AMOTL1: variants seen among roughly 807,000 people sequenced by gnomAD.
AMOTL1 encodes angiomotin like 1.
In AMOTL1, 45 loss-of-function variants were observed where a neutral mutation model predicts 102.9. The ratio of observed to expected loss-of-function variants is 0.44; its 90% CI spans 0.34 to 0.56. The LOEUF is 0.56. Among genes scored for constraint, AMOTL1 ranks in the 20% least tolerant of loss-of-function variants. The pLI, the probability that AMOTL1 is intolerant of heterozygous loss-of-function variation, is 0.01. For synonymous variants in AMOTL1, 481 were observed against 484.7 expected (o/e 0.99, Z 0.10); for missense variants, 1,114 against 1,225.6 (o/e 0.91, Z 1.36).
intron 3 of AMOTL1, among the ~76,000 whole-genome samples, chr11:94,816,622 T>A (rs75559670): frequency 1.1e-4 from 17 of 152,172 alleles, no homozygotes; most frequent in African/African-American, 2.4e-4. Flanking sequence ...ATTTTTTTTT[T>A]AATTAAAGTT....
At chr11:94,805,742 T>A (rs977952927) in intron 3 of AMOTL1, among the ~76,000 whole-genome samples, 1 of 152,200 alleles carries the variant, frequency 6.6e-6, no homozygotes, top group Non-Finnish European at 1.5e-5. Context: ...ATGAGTACGT[T>A]AATTTGATTT....
At chr11:94,832,621 T>A (rs1952096658) in intron 6 of AMOTL1, among the ~76,000 whole-genome samples, 1 of 152,220 alleles carries the variant, frequency 6.6e-6, no homozygotes, top group Non-Finnish European at 1.5e-5. Flanking sequence ...CAGATTCACA[T>A]AAAAGGCTAT....
chr11:94,850,796 T>C (rs1288646631), intron 7 of AMOTL1, among the ~76,000 whole-genome samples: 1 of 152,180 alleles, frequency 6.6e-6, no homozygotes, highest in African/African-American at 2.4e-5. Flanking sequence ...TACACAGGCT[T>C]ACCTGAGCAG....
In AMOTL1 at chr11:94,804,633, AG is replaced by A. The variant is rs1951537654; in HGVS notation, c.1121+4324del. ...CTATTTGAATTTGTTATAACTGGCT[AG>A]GTTAATTTTGTGGGGAAGGGAGTAT... is the stretch of plus-strand genomic sequence containing the variant. On this transcript the variant is annotated intron_variant, in intron 3 of 12. Transcript: ENST00000433060. 2.0e-5 allele frequency among the ~76,000 whole-genome samples: 3 copies of A among 152,298 alleles called. 1 individual carries two copies. The South Asian group carries it at 6.2e-4, about 32-fold the overall frequency.
chr11:94,758,664 A>G (rs1950757100), intron 3 of AMOTL1, among the ~76,000 whole-genome samples: 2 of 152,238 alleles, frequency 1.3e-5, no homozygotes, highest in Non-Finnish European at 2.9e-5. Flanking sequence ...TACCCCACCT[A>G]AAGTAGTACA....
At chr11:94,831,391 G>T in intron 5 of AMOTL1, 61 bp from the exon 6 acceptor site, 1 of 1,363,332 alleles carries the variant, frequency 7.3e-7, no homozygotes, top group South Asian at 1.3e-5. Flanking sequence ...TTCATTTCTT[G>T]GTTAGATGAT....
intron 6 of AMOTL1, among the ~76,000 whole-genome samples, chr11:94,831,879 C>CAA (rs1952078733): frequency 6.6e-6 from 1 of 152,200 alleles, no homozygotes; most frequent in Non-Finnish European, 1.5e-5. Flanking sequence ...AAATGGAAGG[C>CAA]AGCCTAGTGG....
At chr11:94,870,074 A>G (rs1952965595) in intron 12 of AMOTL1, among the ~76,000 whole-genome samples, 1 of 152,194 alleles carries the variant, frequency 6.6e-6, no homozygotes, top group African/African-American at 2.4e-5. Context: ...ACTCCTCTTA[A>G]GCAAAGGAGT....
intron 1 of AMOTL1, among the ~76,000 whole-genome samples, chr11:94,707,340 G>T (rs1949948300): frequency 6.6e-6 from 1 of 151,126 alleles, no homozygotes; most frequent in Admixed American, 6.6e-5. Flanking sequence ...CACTTCCTAT[G>T]AGTTATATGA....
chr11:94,826,771 T>C (rs1006948908), intron 4 of AMOTL1, among the ~76,000 whole-genome samples: 2 of 152,090 alleles, frequency 1.3e-5, no homozygotes, highest in Non-Finnish European at 2.9e-5. Flanking sequence ...TCAACATGAG[T>C]TTTGGTGGGG....
chr11:94,830,985 TG>T, intron 5 of AMOTL1, among the ~76,000 whole-genome samples: 1 of 152,362 alleles, frequency 6.6e-6, no homozygotes, highest in Non-Finnish European at 1.5e-5. Flanking sequence ...GAACTTGCTG[TG>T]TACAGTCTTC....
At chr11:94,854,137 G>A (rs559534692) in intron 8 of AMOTL1, 55 bp downstream of exon 8, 431 of 1,466,160 alleles carry the variant, frequency 2.9e-4, no homozygotes, top group Middle Eastern at 3.7e-4. Flanking sequence ...CTCAGCAAAC[G>A]TATGGATGTT....
intron 3 of AMOTL1, among the ~76,000 whole-genome samples, chr11:94,744,305 A>G (rs1950564293): frequency 6.6e-6 from 1 of 152,246 alleles, no homozygotes; most frequent in Non-Finnish European, 1.5e-5. Flanking sequence ...TTTAAAGGAT[A>G]TAAATGAACA....
chr11:94,777,229 A>G (rs1350166003), intron 1 of AMOTL1, among the ~76,000 whole-genome samples: 5 of 152,210 alleles, frequency 3.3e-5, no homozygotes, highest in South Asian at 2.1e-4. Context: ...TGTTTAAACT[A>G]GTAGGTTTGT....
chr11:94,869,292 G>A lies in AMOTL1; in HGVS notation c.2583G>A (p.Thr861=), dbSNP rs181764487. 998 of 1,612,860 alleles carry A rather than the reference G, an allele frequency of 6.2e-4. 2 individuals carry two copies. In the African/African-American group the frequency reaches 7.4e-3, roughly 12 times the overall value. ...TSALSSIAST[T]AASSAHAKTG... The stretch of plus-strand genomic sequence containing the variant: ...CACTGTCCTCCATAGCCTCCACTAC[G>A]GCAGCCAGCAGTGCCCACGCCAAGA... The change falls in exon 12 of 13, where the codon ACG becomes ACA. Residue 861 remains threonine, a synonymous_variant. Coordinates refer to ENST00000433060, the MANE Select transcript of AMOTL1 (RefSeq NM_130847.3).
At chr11:94,787,220 TTAG>T (rs1951204152) in intron 1 of AMOTL1, among the ~76,000 whole-genome samples, 1 of 152,062 alleles carries the variant, frequency 6.6e-6, no homozygotes, top group South Asian at 2.1e-4. Context: ...TTTCTCATAA[TTAG>T]TATATATTTT....
At chr11:94,722,753 G>C (rs1815907) in intron 1 of AMOTL1, among the ~76,000 whole-genome samples, 1 of 152,034 alleles carries the variant, frequency 6.6e-6, no homozygotes, top group Non-Finnish European at 1.5e-5. Flanking sequence ...TGCTGAAATG[G>C]TAACAGTACT....
chr11:94,822,138 G>A (rs1008334908), intron 4 of AMOTL1, among the ~76,000 whole-genome samples: 1 of 152,174 alleles, frequency 6.6e-6, no homozygotes, highest in African/African-American at 2.4e-5. Context: ...GTAGAAGAGG[G>A]AACACGGAGA....
In AMOTL1 at chr11:94,709,615, C is replaced by T. The variant is rs551565596; in HGVS notation, c.-51+3018C>T. Among the ~76,000 whole-genome samples the T allele has an allele frequency of 2.0e-5, 3 of 152,106 alleles. No individual in the cohort carries two copies. In the East Asian group the frequency reaches 5.8e-4, roughly 29 times the overall value. ...GAATCCCAACCAGTCCTCAGATTTT[C>T]CAGCCATTCAAACTTAGCCTTCAGA... On this transcript the variant is annotated intron_variant, in intron 1 of 4. Transcript: ENST00000299004.
Sources: allele counts gnomAD v4.1 joint callset (sites outside exome capture counted in the v4.1 genomes callset), GRCh38; gene constraint gnomAD v4.1.1; transcripts MANE v1.5; gene names NCBI Gene and HGNC (gene_info 2026-07-23, HGNC 2026-07-21).